GJB7: variants seen among roughly 807,000 people sequenced by gnomAD.
The protein encoded by GJB7 is gap junction protein beta 7.
For missense variants in GJB7, 253 were observed against 256.8 expected (o/e 0.99, Z 0.10); for synonymous variants, 87 against 95.2 (o/e 0.91, Z 0.50).
chr6:87,303,493 T>G (rs868096637), intron 2 of GJB7, among the ~76,000 whole-genome samples: 1 of 152,198 alleles, frequency 6.6e-6, no homozygotes. Context: ...TAAATATATA[T>G]GCACCTAATA....
chr6:87,323,378 C>G (rs889577271), intron 1 of GJB7, among the ~76,000 whole-genome samples: 1 of 152,104 alleles, frequency 6.6e-6, no homozygotes, highest in African/African-American at 2.4e-5. Flanking sequence ...CACCCACCAA[C>G]TGGACATCTA....
At chr6:87,304,969 T>G (rs531856490) in intron 2 of GJB7, among the ~76,000 whole-genome samples, 8 of 152,306 alleles carry the variant, frequency 5.3e-5, no homozygotes, top group African/African-American at 1.7e-4. Context: ...TTGAGAAAAT[T>G]CAACAGCCCT....
rs368623933 is a variant in GJB7, at chr6:87,284,419, G to C, written c.494C>G (p.Thr165Ser). Residue 165 changes from threonine (T) to serine (S), a missense_variant, in exon 3 of 3, where the codon ACT (threonine) becomes AGT (serine). By Grantham distance (58) the Thr-to-Ser change is moderately conservative. Coordinates refer to ENST00000525899, the MANE Select transcript of GJB7 (RefSeq NM_198568.3). The part of the protein sequence containing the change: ...IKCDLKPCPN[T>S]VDCFISKPTE... ...GGGTTTGGAGATGAAGCAGTCCACA[G>C]TGTTGGGACAAGGCTTCAAATCACA... 1 of 1,614,018 alleles carries C rather than the reference G, an allele frequency of 6.2e-7. No individual in the cohort carries two copies. Among genetic ancestry groups the C allele is most frequent in the Non-Finnish European group, 8.5e-7 (1 of 1,180,000 alleles).
At chr6:87,298,733 T>A (rs374881124) in intron 2 of GJB7, 1 of 196,322 alleles carries the variant, frequency 5.1e-6, no homozygotes, top group Non-Finnish European at 1.1e-5. Context: ...ACTGACGACC[T>A]GTCTCACCGC....
chr6:87,296,052 T>A (rs1390623234), intron 2 of GJB7, among the ~76,000 whole-genome samples: 1 of 152,244 alleles, frequency 6.6e-6, no homozygotes, highest in African/African-American at 2.4e-5. Flanking sequence ...TTCAGCGTTT[T>A]GTGGATCTTA....
intron 2 of GJB7, chr6:87,299,952 A>T: frequency 3.1e-6 from 1 of 320,862 alleles, no homozygotes; most frequent in Non-Finnish European, 6.2e-6. Context: ...AAACTTTCAG[A>T]TGGAGTAGCA....
intron 2 of GJB7, among the ~76,000 whole-genome samples, chr6:87,287,856 A>T (rs1776090195): frequency 6.6e-6 from 1 of 152,228 alleles, no homozygotes; most frequent in African/African-American, 2.4e-5. Flanking sequence ...TGATGGCATC[A>T]AATGTCATAA....
At chr6:87,306,679 A>G (rs1288596515) in intron 2 of GJB7, among the ~76,000 whole-genome samples, 1 of 152,148 alleles carries the variant, frequency 6.6e-6, no homozygotes, top group African/African-American at 2.4e-5. Flanking sequence ...TACTGGGTAT[A>G]TACCCAAAGG....
At chr6:87,318,858 A>C (rs1044859981) in intron 2 of GJB7, among the ~76,000 whole-genome samples, 5 of 152,224 alleles carry the variant, frequency 3.3e-5, no homozygotes, top group Admixed American at 2.0e-4. Context: ...TAGGAAAAGA[A>C]ATAAGTGCCA....
intron 2 of GJB7, among the ~76,000 whole-genome samples, chr6:87,302,953 A>G (rs1776359248): frequency 6.6e-6 from 1 of 152,238 alleles, no homozygotes; most frequent in Admixed American, 6.5e-5. Flanking sequence ...AGGAGAAATA[A>G]AATCCTTTAC....
In GJB7 at chr6:87,284,137, T is replaced by C; in HGVS notation, c.*104A>G. On this transcript the variant is annotated 3_prime_UTR_variant, in exon 3 of 3. Transcript: ENST00000525899. ...ACCCTCTTGTGTGTCACAGAGTAGC[T>C]TTGCTTCAGGTAGAGGGAGTGTGTT... is the stretch of plus-strand genomic sequence containing the variant. 1.1e-6 allele frequency: 1 copy of C among 902,750 alleles called. No homozygotes were observed. The highest frequency in any genetic ancestry group is 1.6e-5 in the South Asian group (1 of 60,802). 55.9% of individuals were successfully genotyped at this position (902,750 alleles called of 1,614,324 possible). A position where few individuals can be genotyped will look rare whatever the true frequency, so the allele number is the denominator to read the frequency against.
In GJB7 at chr6:87,301,091, T is replaced by A. The variant is rs1291231618; in HGVS notation, c.-27-16152A>T. ...AATAGGAACAGCTCCAGTCTACAGC[T>A]CCCAGCATGAGCGACAGAGAAGACG... On this transcript the variant is annotated intron_variant, in intron 2 of 2. Transcript: ENST00000525899. Among the ~76,000 whole-genome samples, 3 of 152,116 alleles carry A rather than the reference T, an allele frequency of 2.0e-5. No homozygotes were observed. In the East Asian group the frequency reaches 5.8e-4, roughly 29 times the overall value.
chr6:87,315,508 G>A (rs1165781578), intron 2 of GJB7, among the ~76,000 whole-genome samples: 1 of 152,108 alleles, frequency 6.6e-6, no homozygotes, highest in Non-Finnish European at 1.5e-5. Flanking sequence ...AAACAGAATA[G>A]AGGCCAGGTA....
At chr6:87,286,424 C>G (rs1776061253) in intron 2 of GJB7, among the ~76,000 whole-genome samples, 1 of 152,194 alleles carries the variant, frequency 6.6e-6, no homozygotes, top group African/African-American at 2.4e-5. Flanking sequence ...AAATCCATCT[C>G]CAGGTCACTG....
intron 1 of GJB7, among the ~76,000 whole-genome samples, chr6:87,325,194 C>T: frequency 6.6e-6 from 1 of 152,084 alleles, no homozygotes; most frequent in Admixed American, 6.5e-5. Context: ...TCTAGGTATA[C>T]AGTCATGTCA....
chr6:87,289,149 G>C (rs1776118812), intron 2 of GJB7, among the ~76,000 whole-genome samples: 1 of 152,046 alleles, frequency 6.6e-6, no homozygotes, highest in Non-Finnish European at 1.5e-5. Context: ...TTCTCCTTTA[G>C]ACACTACATC....
chr6:87,292,288 G>A (rs889014221), intron 2 of GJB7, among the ~76,000 whole-genome samples: 1 of 152,300 alleles, frequency 6.6e-6, no homozygotes, highest in African/African-American at 2.4e-5. Flanking sequence ...CTCTTTAAAT[G>A]ATTTTCCAAC....
At chr6:87,326,017 T>C (rs1776811751) in intron 1 of GJB7, among the ~76,000 whole-genome samples, 1 of 152,232 alleles carries the variant, frequency 6.6e-6, no homozygotes. Flanking sequence ...GTCGAGGAAC[T>C]TATCCATTTC....
At chr6:87,291,274 C>G (rs1258131653) in intron 2 of GJB7, among the ~76,000 whole-genome samples, 1 of 152,028 alleles carries the variant, frequency 6.6e-6, no homozygotes, top group African/African-American at 2.4e-5. Flanking sequence ...CATAAATCTA[C>G]AAGTAGTTTT....
Sources: gnomAD v4.1 joint callset for allele counts (sites outside exome capture counted in the v4.1 genomes callset) on GRCh38, gnomAD v4.1.1 for gene constraint, MANE v1.5 for transcripts, NCBI Gene and HGNC (gene_info 2026-07-23, HGNC 2026-07-21) for gene names.